TAOK3: variants seen among roughly 807,000 people sequenced by gnomAD.
TAOK3 encodes TAO kinase 3, also known as serine/threonine-protein kinase TAO3.
Under a neutral mutation model 120.4 loss-of-function variants are expected in TAOK3, and 40 were observed. That is an observed-to-expected ratio of 0.33 (90% CI 0.26 to 0.43). TAOK3 has a LOEUF of 0.43. Ranked by LOEUF, TAOK3 falls within the 20% of genes least tolerant of loss-of-function variation. TAOK3 has a pLI of 1.00. For missense variants in TAOK3, 821 were observed against 1,112.1 expected, an observed-to-expected ratio of 0.74 and a Z score of 3.72; for synonymous variants, 355 against 387.5, an observed-to-expected ratio of 0.92 and a Z score of 0.99.
At chr12:118,190,200 T>C (rs1165781273) in intron 13 of TAOK3, 1 of 426,108 alleles carries the variant, frequency 2.3e-6, no homozygotes, top group East Asian at 3.8e-5. Context: ...ATTACATATA[T>C]GCAAAAGAAA....
intron 3 of TAOK3, 101 bp downstream of exon 3, chr12:118,255,347 C>T: frequency 7.6e-7 from 1 of 1,313,452 alleles, no homozygotes; most frequent in Non-Finnish European, 1.0e-6. Flanking sequence ...CCCACCTTGG[C>T]CTTGCAAAGT....
At chr12:118,208,297 A>G (rs1479602668) in intron 11 of TAOK3, among the ~76,000 whole-genome samples, 1 of 152,192 alleles carries the variant, frequency 6.6e-6, no homozygotes, top group Admixed American at 6.5e-5. Context: ...ATCTGGGAGT[A>G]AGTAGATAGC....
chr12:118,270,902 C>T (rs1333352102), intron 1 of TAOK3, among the ~76,000 whole-genome samples: 3 of 151,988 alleles, frequency 2.0e-5, no homozygotes, highest in African/African-American at 7.2e-5. Context: ...TGATCTCGAT[C>T]TTCTGACCTC....
At chr12:118,275,465 C>A (rs1367707814) in intron 1 of TAOK3, among the ~76,000 whole-genome samples, 1 of 152,170 alleles carries the variant, frequency 6.6e-6, no homozygotes, top group African/African-American at 2.4e-5. Flanking sequence ...CCCCAATATT[C>A]TGTTATATAA....
intron 10 of TAOK3, 141 bp downstream of exon 10, chr12:118,213,876 G>A: frequency 1.4e-6 from 1 of 707,158 alleles, no homozygotes; most frequent in East Asian, 2.8e-5. Context: ...TGATGCTTGT[G>A]AGGCATCAGT....
At chr12:118,308,930 C>CA (rs1208470509) in intron 1 of TAOK3, among the ~76,000 whole-genome samples, 2,161 of 36,712 alleles carry the variant, frequency 0.059, 107 homozygotes, top group Non-Finnish European at 0.084. Flanking sequence ...AACTCTGTCT[C>CA]CAAAAAAAAA....
rs533525986 is a variant in TAOK3, at chr12:118,269,096, T to C, written c.-193-2337A>G. Among the ~76,000 whole-genome samples the C allele has an allele frequency of 3.3e-5, 5 of 152,252 alleles. No individual in the cohort carries two copies. In the East Asian group the frequency reaches 9.7e-4, roughly 29 times the overall value. On this transcript the variant is annotated intron_variant, in intron 1 of 20. Transcript: ENST00000392533. ...AGGCATCTTACAAATCAGGAAACAT[T>C]CATTCCTAGAAAATAGTTTTCTTTC...
chr12:118,154,893 C>T (rs541381387), intron 19 of TAOK3, among the ~76,000 whole-genome samples: 3 of 152,148 alleles, frequency 2.0e-5, no homozygotes, highest in Non-Finnish European at 4.4e-5. Flanking sequence ...CCTAGCTCTA[C>T]CACTAATTAG....
chr12:118,263,386 T>C (rs912745352), intron 2 of TAOK3, among the ~76,000 whole-genome samples: 1 of 152,182 alleles, frequency 6.6e-6, no homozygotes, highest in Non-Finnish European at 1.5e-5. Context: ...ATAATAAAAC[T>C]TCTAGACGAA....
chr12:118,246,216 G>C, intron 3 of TAOK3: 1 of 1,460,352 alleles, frequency 6.8e-7, no homozygotes, highest in Non-Finnish European at 9.4e-7. Flanking sequence ...ACGGGGCCGG[G>C]GCCGAGGCCG....
rs2035665328 is a variant in TAOK3, at chr12:118,167,315, A to C, written c.1899+5142T>G. On this transcript the variant is annotated intron_variant, in intron 17 of 20. Coordinates refer to ENST00000392533, the MANE Select transcript of TAOK3 (RefSeq NM_016281.4). ...GGAGTATAAACTCCTTTAGAGAGCA[A>C]TTTAGTGATATTTATTTTAAAAATT... is the stretch of plus-strand genomic sequence containing the variant. Among the ~76,000 whole-genome samples, 3 of 152,120 alleles carry C rather than the reference A, an allele frequency of 2.0e-5. No homozygotes were observed. In the South Asian group the frequency reaches 6.2e-4, roughly 32 times the overall value.
chr12:118,186,923 G>A (rs2037112417), intron 14 of TAOK3, among the ~76,000 whole-genome samples: 2 of 152,116 alleles, frequency 1.3e-5, no homozygotes, highest in African/African-American at 4.8e-5. Context: ...ATGCCCATGG[G>A]CTTCTTCATA....
intron 1 of TAOK3, among the ~76,000 whole-genome samples, chr12:118,288,956 T>C (rs569564701): frequency 1.4e-5 from 2 of 146,552 alleles, no homozygotes; most frequent in South Asian, 4.4e-4. Context: ...AAAAGAAAGA[T>C]AGCATGCTTA....
At chr12:118,213,966 A>G (rs79881287) in intron 10 of TAOK3, 51 bp downstream of exon 10, 1 of 1,465,072 alleles carries the variant, frequency 6.8e-7, no homozygotes. Flanking sequence ...TAAAAATGTC[A>G]AATACATACG....
In TAOK3 at chr12:118,305,101, G is replaced by A. The variant is rs541593093; in HGVS notation, c.-193-38342C>T. Reference sequence around the variant, plus strand: ...AAGGACATAATATAATAAATATATCGAGCACAGGATTGTTTATTGTCAGGA... The same window carrying A: ...AAGGACATAATATAATAAATATATCAAGCACAGGATTGTTTATTGTCAGGA... On this transcript the variant is annotated intron_variant, in intron 1 of 20. Transcript: ENST00000392533. 5.9e-5 allele frequency among the ~76,000 whole-genome samples: 9 copies of A among 152,192 alleles called. No homozygotes were observed. In the East Asian group the frequency reaches 1.2e-3, roughly 20 times the overall value.
chr12:118,221,937 T>C (rs935273346), intron 9 of TAOK3, among the ~76,000 whole-genome samples: 4 of 152,026 alleles, frequency 2.6e-5, no homozygotes, highest in Middle Eastern at 3.2e-3. Context: ...CCTGGCAGAA[T>C]ACATATATTC....
At chr12:118,293,136 T>C (rs1304393914) in intron 1 of TAOK3, among the ~76,000 whole-genome samples, 1 of 152,240 alleles carries the variant, frequency 6.6e-6, no homozygotes, top group Non-Finnish European at 1.5e-5. Context: ...CTGGAGAAAC[T>C]GCCTTTTTCA....
chr12:118,291,549 T>TA (rs1388361356), intron 1 of TAOK3, among the ~76,000 whole-genome samples: 1 of 152,218 alleles, frequency 6.6e-6, no homozygotes, highest in Non-Finnish European at 1.5e-5. Context: ...TGAATGACTA[T>TA]TTCCATACAC....
intron 12 of TAOK3, chr12:118,200,991 C>T (rs894673088): frequency 4.6e-5 from 11 of 238,416 alleles, no homozygotes; most frequent in Admixed American, 2.5e-4. Flanking sequence ...TCTAGAACAC[C>T]CTATGCCCAT....
Sources: allele counts gnomAD v4.1 joint callset (sites outside exome capture counted in the v4.1 genomes callset), GRCh38; gene constraint gnomAD v4.1.1; transcripts MANE v1.5; gene names NCBI Gene and HGNC (gene_info 2026-07-23, HGNC 2026-07-21).